The following HS3ST4 variants were observed in gnomAD, a reference collection of about 807,000 sequenced individuals.
The protein encoded by HS3ST4 is heparan sulfate glucosamine 3-O-sulfotransferase 4.
In HS3ST4, 17 loss-of-function variants were observed where a neutral mutation model predicts 29.2. That is an observed-to-expected ratio of 0.58 (90% CI 0.40 to 0.87). The LOEUF (loss-of-function observed/expected upper bound fraction) is 0.87, where lower values mean the gene tolerates loss of function less well. HS3ST4 is among the 40% of genes least tolerant of loss of function. HS3ST4 has a pLI of 0.00. For synonymous variants in HS3ST4, 314 were observed against 285.7 expected (o/e 1.10, Z -1.00); for missense variants, 627 against 634.5 (o/e 0.99, Z 0.13).
chr16:25,847,676 T>C (rs561668408), intron 1 of HS3ST4, among the ~76,000 whole-genome samples: 14 of 152,228 alleles, frequency 9.2e-5, no homozygotes, highest in Admixed American at 7.9e-4. Flanking sequence ...TCTAGATTGC[T>C]GTGAACTCTT....
At chr16:25,975,473 A>G (rs978266761) in intron 1 of HS3ST4, among the ~76,000 whole-genome samples, 2 of 152,288 alleles carry the variant, frequency 1.3e-5, no homozygotes, top group Non-Finnish European at 2.9e-5. Context: ...GCATGGCTAC[A>G]TTAAGTCCAA....
chr16:26,005,147 C>A (rs1390338846), intron 1 of HS3ST4, among the ~76,000 whole-genome samples: 1 of 152,118 alleles, frequency 6.6e-6, no homozygotes, highest in Non-Finnish European at 1.5e-5. Context: ...ATGCAAAATG[C>A]TTACTTTCTG....
At chr16:26,004,707 A>G (rs143884515) in intron 1 of HS3ST4, among the ~76,000 whole-genome samples, 172 of 152,318 alleles carry the variant, frequency 1.1e-3, no homozygotes, top group African/African-American at 4.0e-3. Flanking sequence ...CAACTGGGGA[A>G]ACTTAAATCA....
intron 1 of HS3ST4, among the ~76,000 whole-genome samples, chr16:26,121,477 G>A (rs980244213): frequency 6.6e-6 from 1 of 152,228 alleles, no homozygotes; most frequent in Admixed American, 6.5e-5. Flanking sequence ...GATGGTCCAT[G>A]CTGTTTGAGG....
At chr16:26,092,035 G>A (rs867448973) in intron 1 of HS3ST4, among the ~76,000 whole-genome samples, 41 of 152,002 alleles carry the variant, frequency 2.7e-4, no homozygotes, top group Admixed American at 7.2e-4. Context: ...TGGAAATGCC[G>A]AGCTGAGCCC....
At chr16:25,966,134 A>G (rs1968840017) in intron 1 of HS3ST4, among the ~76,000 whole-genome samples, 1 of 152,170 alleles carries the variant, frequency 6.6e-6, no homozygotes, top group Non-Finnish European at 1.5e-5. Context: ...TGGCATGATC[A>G]TTGCTTCTAC....
At chr16:26,105,061 T>C (rs1899035013) in intron 1 of HS3ST4, among the ~76,000 whole-genome samples, 1 of 152,132 alleles carries the variant, frequency 6.6e-6, no homozygotes, top group Admixed American at 6.6e-5. Context: ...GAAAGCCTCT[T>C]CTCCCCACAG....
At chr16:25,977,138 C>T (rs1968952855) in intron 1 of HS3ST4, among the ~76,000 whole-genome samples, 2 of 151,916 alleles carry the variant, frequency 1.3e-5, no homozygotes. Context: ...CATTATTGTT[C>T]TTATTATATT....
At chr16:25,760,145 C>T (rs1178262852) in intron 1 of HS3ST4, among the ~76,000 whole-genome samples, 1 of 151,780 alleles carries the variant, frequency 6.6e-6, no homozygotes, top group East Asian at 1.9e-4. Flanking sequence ...TAACCCTAAC[C>T]CTAACCCTAA....
At chr16:25,764,515 T>G (rs996298945) in intron 1 of HS3ST4, among the ~76,000 whole-genome samples, 3 of 152,148 alleles carry the variant, frequency 2.0e-5, no homozygotes, top group African/African-American at 7.2e-5. Context: ...ATGTGCGTGT[T>G]TTTTCCCCAA....
At chr16:26,126,992 G>A (rs1899352627) in intron 1 of HS3ST4, among the ~76,000 whole-genome samples, 1 of 152,044 alleles carries the variant, frequency 6.6e-6, no homozygotes, top group South Asian at 2.1e-4. Context: ...TAAGGGAATA[G>A]CTACCCTCCT....
chr16:25,934,487 G>A (rs917021141), intron 1 of HS3ST4, among the ~76,000 whole-genome samples: 9 of 152,186 alleles, frequency 5.9e-5, no homozygotes, highest in Admixed American at 5.2e-4. Flanking sequence ...GTTTTATCAG[G>A]AAAGGCAGCT....
chr16:25,832,855 G>T (rs1967318511), intron 1 of HS3ST4, among the ~76,000 whole-genome samples: 1 of 152,110 alleles, frequency 6.6e-6, no homozygotes, highest in Non-Finnish European at 1.5e-5. Flanking sequence ...TTGCAGCAAA[G>T]ACTCTCTCAA....
chr16:26,013,908 C>A (rs779528625), intron 1 of HS3ST4, among the ~76,000 whole-genome samples: 1 of 151,670 alleles, frequency 6.6e-6, no homozygotes, highest in African/African-American at 2.4e-5. Context: ...CTCTGGTGGC[C>A]GAGGCAGGAG....
chr16:25,773,086 C>T (rs140034860), intron 1 of HS3ST4, among the ~76,000 whole-genome samples: 123 of 152,310 alleles, frequency 8.1e-4, no homozygotes, highest in Admixed American at 6.0e-3. Flanking sequence ...ACATACCGTA[C>T]TTATATACAT....
chr16:25,875,219 T>A (rs1030013857), intron 1 of HS3ST4, among the ~76,000 whole-genome samples: 7 of 152,146 alleles, frequency 4.6e-5, no homozygotes, highest in Non-Finnish European at 8.8e-5. Flanking sequence ...TATCTGAAAT[T>A]GTTCCCTTGT....
chr16:26,054,479 C>G (rs1898384196), intron 1 of HS3ST4, among the ~76,000 whole-genome samples: 2 of 152,174 alleles, frequency 1.3e-5, no homozygotes, highest in African/African-American at 4.8e-5. Context: ...TTGTCAATTT[C>G]CATCAAGGGG....
intron 1 of HS3ST4, among the ~76,000 whole-genome samples, chr16:26,055,100 T>C (rs113609271): frequency 0.034 from 5,145 of 151,874 alleles, 288 homozygotes; most frequent in African/African-American, 0.12. Context: ...ATTTGATGAG[T>C]TGTTTTTTTT....
At chr16:26,068,531 TC>T (rs1447907351) in intron 1 of HS3ST4, among the ~76,000 whole-genome samples, 1 of 152,164 alleles carries the variant, frequency 6.6e-6, no homozygotes, top group Non-Finnish European at 1.5e-5. Flanking sequence ...ACCTAAGCCA[TC>T]TGACTTTGAA....
Sources: gnomAD v4.1 joint callset for allele counts (sites outside exome capture counted in the v4.1 genomes callset) on GRCh38, gnomAD v4.1.1 for gene constraint, MANE v1.5 for transcripts, NCBI Gene and HGNC (gene_info 2026-07-23, HGNC 2026-07-21) for gene names.